The following SMARCA5 variants were observed in gnomAD, a reference collection of about 807,000 sequenced individuals.
SMARCA5 encodes the protein SWI/SNF-related matrix-associated actin-dependent regulator of chromatin subfamily A member 5.
SMARCA5 carries 18 observed loss-of-function variants against 140.4 expected under a neutral mutation model. The ratio of observed to expected loss-of-function variants is 0.13; its 90% CI spans 0.09 to 0.19. The LOEUF (loss-of-function observed/expected upper bound fraction) is 0.19. Ranked by LOEUF, SMARCA5 falls within the 10% of genes least tolerant of loss-of-function variation. The pLI, the probability that SMARCA5 is intolerant of heterozygous loss-of-function variation, is 1.00. For missense variants in SMARCA5, 606 were observed against 1,276.8 expected (o/e 0.47, Z 8.01); for synonymous variants, 449 against 419.6 (o/e 1.07, Z -0.86).
chr4:143,543,601 G>A lies in SMARCA5; in HGVS notation c.1996G>A (p.Glu666Lys). Residue 666 changes from glutamate to lysine, a missense_variant, in exon 15 of 24, where the codon GAA (glutamate) becomes AAA (lysine). Physicochemically the swap from Glu to Lys is moderately conservative, Grantham distance 56 (BLOSUM62 1). Around this residue, in one of 10 missense-constraint regions of SMARCA5, gnomAD observed 62 missense variants for 256.6 expected, o/e 0.24. Coordinates refer to ENST00000283131, the MANE Select transcript of SMARCA5 (RefSeq NM_003601.4). Reference sequence around the variant, plus strand: ...AGCAACACATGTGTTTGCTTCAAAGGAAAGTGAGATCACTGATGAAGATAT... The same window carrying A: ...AGCAACACATGTGTTTGCTTCAAAGAAAAGTGAGATCACTGATGAAGATAT... ...HGATHVFASK[E>K]SEITDEDIDG... 1 of 1,613,242 alleles carries A rather than the reference G, an allele frequency of 6.2e-7. No homozygotes were observed. The highest frequency in any genetic ancestry group is 8.5e-7 in the Non-Finnish European group (1 of 1,179,442).
chr4:143,513,751 C>A lies in SMARCA5; in HGVS notation c.-174C>A. The A allele has an allele frequency of 8.9e-6, 6 of 672,098 alleles. No individual in the cohort carries two copies. The highest frequency in any genetic ancestry group is 1.5e-5 in the Non-Finnish European group (6 of 406,472). 41.6% of individuals were successfully genotyped at this position (672,098 alleles called of 1,614,324 possible). A position where few individuals can be genotyped will look rare whatever the true frequency, so the allele number is the denominator to read the frequency against. ...GAAGAGCAGAACGTTTGGGAGTGTGCAGCTCCTGGGCCCGGCTCAGGCCCG... is the reference window on the plus strand; with the variant it reads ...GAAGAGCAGAACGTTTGGGAGTGTGAAGCTCCTGGGCCCGGCTCAGGCCCG... On this transcript the variant is annotated 5_prime_UTR_variant, in exon 1 of 24. Transcript: ENST00000283131.
In SMARCA5 at chr4:143,534,729, A is replaced by G. The variant is rs560292412; in HGVS notation, c.1159-126A>G. The stretch of plus-strand genomic sequence containing the variant: ...GACTGTATTTGCAGGGAGAAGTCCT[A>G]AGAAATCACTTGATACTCACGCAGA... On this transcript the variant is annotated intron_variant, in intron 9 of 23. Transcript: ENST00000283131. 1,245 of 629,328 alleles carry G rather than the reference A, an allele frequency of 2.0e-3. 2 individuals are homozygous for G. The highest frequency in any genetic ancestry group is 2.9e-3 in the Non-Finnish European group (1,116 of 380,668). The allele number at this position is 629,328 out of a possible 1,614,324, so 39.0% of individuals were successfully genotyped here. A position where few individuals can be genotyped will look rare whatever the true frequency, so the allele number is the denominator to read the frequency against.
At chr4:143,541,497 C>A (rs768548475) in intron 14 of SMARCA5, among the ~76,000 whole-genome samples, 7 of 152,088 alleles carry the variant, frequency 4.6e-5, no homozygotes, top group Non-Finnish European at 8.8e-5. Flanking sequence ...TTTTACAAAT[C>A]GTTTCCCTTA....
In SMARCA5 at chr4:143,553,103, TTCTG is replaced by T. The variant is rs761263385; in HGVS notation, c.3094-10_3094-7del. The T allele has an allele frequency of 3.9e-5, 63 of 1,601,762 alleles. No homozygotes were observed. Among genetic ancestry groups the T allele is most frequent in the Admixed American group, 2.8e-4 (17 of 59,880 alleles). ...ATATTAGTCTTGTGAAAAGTAATCC[TTCTG>T]TCTGTTTGTAGACACAGAAACGTAA... On this transcript the variant is annotated splice_polypyrimidine_tract_variant and intron_variant, in intron 23 of 23. Coordinates refer to ENST00000283131, the MANE Select transcript of SMARCA5 (RefSeq NM_003601.4).
At chr4:143,533,418 C>T (rs1429661371) in intron 9 of SMARCA5, among the ~76,000 whole-genome samples, 1 of 150,682 alleles carries the variant, frequency 6.6e-6, no homozygotes, top group African/African-American at 2.4e-5. Context: ...GAAGTGTGTA[C>T]TTTTATATTC....
chr4:143,538,512 A>G, intron 11 of SMARCA5, 78 bp from the exon 12 acceptor site: 7 of 1,131,872 alleles, frequency 6.2e-6, no homozygotes, highest in Non-Finnish European at 9.1e-6. Context: ...AGGATAATTG[A>G]TTAGTCTTAG....
intron 9 of SMARCA5, among the ~76,000 whole-genome samples, chr4:143,533,393 C>T (rs1737237982): frequency 6.6e-6 from 1 of 151,840 alleles, no homozygotes; most frequent in South Asian, 2.1e-4. Flanking sequence ...TAGAACTGTA[C>T]ACTCATGATT....
At chr4:143,525,344 C>A in intron 4 of SMARCA5, 107 bp from the exon 5 acceptor site, 1 of 725,206 alleles carries the variant, frequency 1.4e-6, no homozygotes, top group Non-Finnish European at 2.5e-6. Flanking sequence ...ATTCAAGAAT[C>A]CGTTAGTAAT....
intron 22 of SMARCA5, 111 bp downstream of exon 22, chr4:143,548,251 A>G (rs369079355): frequency 1.6e-6 from 1 of 607,144 alleles, no homozygotes; most frequent in African/African-American, 1.8e-5. Flanking sequence ...TTTTGTTACA[A>G]TATTGTTAGT....
intron 10 of SMARCA5, among the ~76,000 whole-genome samples, chr4:143,535,921 C>T (rs1737292212): frequency 1.3e-5 from 2 of 152,084 alleles, no homozygotes; most frequent in South Asian, 4.1e-4. Flanking sequence ...GACATACCTC[C>T]CTCCCCCATG....
At position 143,536,632 on chromosome 4, in the gene SMARCA5, C is replaced by A. The variant is rs142603659; in HGVS notation, c.1449C>A (p.Gly483=). The A allele has an allele frequency of 3.1e-6, 5 of 1,613,408 alleles. No individual in the cohort carries two copies. In the African/African-American group the frequency reaches 6.7e-5, roughly 22 times the overall value. ...ATATGCATCTAGTAACCAACAGTGG[C>A]AAAATGGTGGTTTTAGACAAGCTGC... ...TTDMHLVTNS[G]KMVVLDKLLP... is the part of the protein sequence containing the mutation. The change falls in exon 11 of 24, where the codon GGC becomes GGA. Residue 483 remains glycine, a synonymous_variant. Coordinates refer to ENST00000283131, the MANE Select transcript of SMARCA5 (RefSeq NM_003601.4).
chr4:143,547,839 A>G (rs1048618290), intron 21 of SMARCA5, 89 bp from the exon 22 acceptor site: 7 of 758,650 alleles, frequency 9.2e-6, no homozygotes, highest in Admixed American at 8.7e-5. Flanking sequence ...TTGAAATGCA[A>G]CATTTTAGCT....
chr4:143,539,896 T>C (rs1240771282), intron 13 of SMARCA5, among the ~76,000 whole-genome samples: 1 of 152,162 alleles, frequency 6.6e-6, no homozygotes, highest in Non-Finnish European at 1.5e-5. Flanking sequence ...GGACCAATTA[T>C]TAGAAATAAG....
chr4:143,518,155 G>T (rs1031566038), intron 2 of SMARCA5, among the ~76,000 whole-genome samples: 3 of 152,030 alleles, frequency 2.0e-5, no homozygotes, highest in Non-Finnish European at 2.9e-5. Flanking sequence ...TATAGATGGG[G>T]TCTTTACAAA....
chr4:143,528,348 T>G (rs1031524747), intron 7 of SMARCA5, among the ~76,000 whole-genome samples: 2 of 152,220 alleles, frequency 1.3e-5, no homozygotes, highest in Admixed American at 6.5e-5. Context: ...TGTTTGGTTT[T>G]CTGTTCCTGT....
At chr4:143,535,008 C>A in intron 10 of SMARCA5, 44 bp downstream of exon 10, 1 of 1,296,964 alleles carries the variant, frequency 7.7e-7, no homozygotes, top group Non-Finnish European at 1.1e-6. Flanking sequence ...TGATTCTTCC[C>A]TAAATTTCAT....
chr4:143,541,728 G>A (rs1453242968), intron 14 of SMARCA5, among the ~76,000 whole-genome samples: 2 of 152,138 alleles, frequency 1.3e-5, no homozygotes, highest in African/African-American at 2.4e-5. Context: ...GGGACTTCTC[G>A]AGGCTGCCAC....
At position 143,528,571 on chromosome 4, in the gene SMARCA5, C is replaced by T. The variant is rs1004013376; in HGVS notation, c.958-12C>T. ...GAATATTCTAATGGTGTATTTGGTT[C>T]TTTTCTTTCAGTTGTCAGAAATAGT... On this transcript the variant is annotated splice_polypyrimidine_tract_variant and intron_variant, in intron 7 of 23. Coordinates refer to ENST00000283131, the MANE Select transcript of SMARCA5 (RefSeq NM_003601.4). 1 of 1,607,690 alleles carries T rather than the reference C, an allele frequency of 6.2e-7. No individual in the cohort carries two copies. The highest frequency in any genetic ancestry group is 8.5e-7 in the Non-Finnish European group (1 of 1,176,984).
intron 11 of SMARCA5, among the ~76,000 whole-genome samples, chr4:143,538,115 C>G (rs1343716124): frequency 2.0e-5 from 3 of 151,938 alleles, no homozygotes; most frequent in African/African-American, 7.3e-5. Context: ...TAGTTTGAAT[C>G]ATGGCAGATA....
Sources: allele counts gnomAD v4.1 joint callset (sites outside exome capture counted in the v4.1 genomes callset), GRCh38; gene constraint gnomAD v4.1.1; regional missense constraint gnomAD v4.1.1; transcripts MANE v1.5; gene names NCBI Gene and HGNC (gene_info 2026-07-23, HGNC 2026-07-21).